TNFSF13B: variants seen among roughly 807,000 people sequenced by gnomAD.
The protein encoded by TNFSF13B is TNF superfamily member 13b.
Under a neutral mutation model 29.1 loss-of-function variants are expected in TNFSF13B, and 8 were observed. The observed-to-expected ratio is 0.27, with a 90% CI of 0.16 to 0.50. The LOEUF (loss-of-function observed/expected upper bound fraction) is 0.50. Ranked by LOEUF, TNFSF13B falls within the 20% of genes least tolerant of loss-of-function variation. TNFSF13B has a pLI of 0.98. For missense variants in TNFSF13B, 248 were observed against 334.9 expected, an observed-to-expected ratio of 0.74 and a Z score of 2.03; for synonymous variants, 125 against 130.8, an observed-to-expected ratio of 0.96 and a Z score of 0.30.
chr13:108,303,655 C>T (rs373097279), intron 5 of TNFSF13B, 51 bp downstream of exon 5: 50 of 1,549,334 alleles, frequency 3.2e-5, no homozygotes, highest in South Asian at 1.8e-4. Flanking sequence ...GAGACTTTGA[C>T]GAAAAATCTG....
Position 108,295,210 on chromosome 13 carries a change from C to T in TNFSF13B, c.482-8043C>T, listed in dbSNP as rs576863121. 1.4e-4 allele frequency among the ~76,000 whole-genome samples: 21 copies of T among 144,872 alleles called. 2 individuals carry two copies. The South Asian group carries it at 3.5e-3, about 24-fold the overall frequency. ...TGTTCTTTTTTTGAGATGGAGTCTC[C>T]GTCACCCAGCCTGGAGTGCAATGGT... On this transcript the variant is annotated intron_variant, in intron 3 of 5. Transcript: ENST00000375887.
chr13:108,298,841 C>A (rs1321259517), intron 3 of TNFSF13B, among the ~76,000 whole-genome samples: 2 of 145,382 alleles, frequency 1.4e-5, no homozygotes, highest in African/African-American at 5.2e-5. Flanking sequence ...CGTAGTGGCA[C>A]TTGCCTGTAG....
In TNFSF13B at chr13:108,277,025, C is replaced by T. The variant is rs186555150; in HGVS notation, c.424+6601C>T. Among the ~76,000 whole-genome samples the T allele has an allele frequency of 1.7e-3, 257 of 152,180 alleles. 1 individual carries two copies. The highest frequency in any genetic ancestry group is 5.9e-3 in the African/African-American group (247 of 41,522). On this transcript the variant is annotated intron_variant, in intron 2 of 5. Transcript: ENST00000375887. ...AAGGTTTCTCTTCAAATAGATTTAT[C>T]ACCCACTGTTTCTGCAAATATCTGA...
chr13:108,270,650 A>G (rs760708215), intron 2 of TNFSF13B, among the ~76,000 whole-genome samples: 3 of 152,132 alleles, frequency 2.0e-5, no homozygotes, highest in Non-Finnish European at 4.4e-5. Context: ...GACTGGAAGC[A>G]TTTCTCTGTG....
In TNFSF13B at chr13:108,307,015, C is replaced by CAAAAAAAAAA; in HGVS notation, c.*77_*78insAAAAAAAAAA. 4.6e-5 allele frequency: 1 copy of CAAAAAAAAAA among 21,660 alleles called. No homozygotes were observed. Among genetic ancestry groups the CAAAAAAAAAA allele is most frequent in the Non-Finnish European group, 8.5e-5 (1 of 11,782 alleles). The allele number at this position is 21,660 out of a possible 1,614,324, so 1.3% of individuals were successfully genotyped here. On this transcript the variant is annotated 3_prime_UTR_variant, in exon 6 of 6. Transcript: ENST00000375887. The stretch of plus-strand genomic sequence containing the variant: ...AGAAGAAAGAATCTAACTGAAAATA[C>CAAAAAAAAAA]CAAAAAAAAAAAAAAAAAAAAAAAA...
intron 5 of TNFSF13B, among the ~76,000 whole-genome samples, chr13:108,306,318 T>C (rs1881774608): frequency 6.6e-6 from 1 of 152,102 alleles, no homozygotes; most frequent in Admixed American, 6.6e-5. Context: ...ACTATATTAA[T>C]GAATGTGGTA....
At chr13:108,291,015 A>G (rs943899404) in intron 3 of TNFSF13B, among the ~76,000 whole-genome samples, 6 of 151,866 alleles carry the variant, frequency 4.0e-5, no homozygotes, top group African/African-American at 1.5e-4. Flanking sequence ...GACTGCTTGA[A>G]GACATTAACT....
At chr13:108,277,975 T>C (rs1594517818) in intron 2 of TNFSF13B, among the ~76,000 whole-genome samples, 1 of 152,178 alleles carries the variant, frequency 6.6e-6, no homozygotes, top group South Asian at 2.1e-4. Context: ...TCAGTTATTT[T>C]ACCCAGCTCC....
intron 2 of TNFSF13B, among the ~76,000 whole-genome samples, chr13:108,273,590 T>C (rs1226573347): frequency 1.3e-5 from 2 of 152,208 alleles, no homozygotes; most frequent in Admixed American, 6.5e-5. Context: ...CTCCTGTTGC[T>C]ACTGCAGTGA....
intron 2 of TNFSF13B, among the ~76,000 whole-genome samples, chr13:108,282,298 G>A (rs1316508570): frequency 6.6e-6 from 1 of 152,170 alleles, no homozygotes; most frequent in Non-Finnish European, 1.5e-5. Context: ...TGCAGTAATT[G>A]CGTTATTTAT....
At chr13:108,271,833 C>T (rs551317584) in intron 2 of TNFSF13B, among the ~76,000 whole-genome samples, 3 of 152,048 alleles carry the variant, frequency 2.0e-5, no homozygotes, top group African/African-American at 7.2e-5. Flanking sequence ...ATTTATCTAA[C>T]AATTGTTTTA....
intron 3 of TNFSF13B, among the ~76,000 whole-genome samples, chr13:108,287,069 A>T (rs879788686): frequency 1.3e-4 from 18 of 138,654 alleles, no homozygotes; most frequent in Non-Finnish European, 2.3e-4. Flanking sequence ...GAACTGAACA[A>T]TGAGAACACA....
At chr13:108,289,644 A>G (rs1321377737) in intron 3 of TNFSF13B, among the ~76,000 whole-genome samples, 1 of 148,256 alleles carries the variant, frequency 6.7e-6, no homozygotes, top group East Asian at 1.9e-4. Flanking sequence ...TTATATATAT[A>G]AATATTATTA....
chr13:108,299,962 G>A (rs1258498895), intron 3 of TNFSF13B, among the ~76,000 whole-genome samples: 2 of 152,210 alleles, frequency 1.3e-5, no homozygotes, highest in Admixed American at 6.5e-5. Context: ...ATGCACCAGT[G>A]ACATTTACTA....
chr13:108,302,737 A>G, intron 3 of TNFSF13B: 1 of 798,794 alleles, frequency 1.3e-6, no homozygotes, highest in African/African-American at 1.9e-5. Context: ...CGTTCTTAGT[A>G]AAGGTTGTGT....
chr13:108,294,026 A>G (rs1881396177), intron 3 of TNFSF13B, among the ~76,000 whole-genome samples: 2 of 152,192 alleles, frequency 1.3e-5, no homozygotes, highest in Admixed American at 6.5e-5. Flanking sequence ...TCCATAACGG[A>G]TGCTACTGTA....
At chr13:108,294,504 T>G (rs1220000977) in intron 3 of TNFSF13B, among the ~76,000 whole-genome samples, 1 of 152,166 alleles carries the variant, frequency 6.6e-6, no homozygotes, top group African/African-American at 2.4e-5. Flanking sequence ...TATAGAATTA[T>G]GATATCTGCA....
intron 5 of TNFSF13B, among the ~76,000 whole-genome samples, chr13:108,304,103 A>T (rs1274698665): frequency 6.6e-6 from 1 of 152,214 alleles, no homozygotes; most frequent in Non-Finnish European, 1.5e-5. Context: ...CAGGTTACAC[A>T]GCTAATTTTT....
At chr13:108,303,222 C>T in intron 3 of TNFSF13B, 31 bp from the exon 4 acceptor site, 3 of 1,495,660 alleles carry the variant, frequency 2.0e-6, no homozygotes, top group Admixed American at 1.9e-5. Flanking sequence ...TTCTTGGTTT[C>T]TTTCCTTATA....
Sources: allele counts gnomAD v4.1 joint callset (sites outside exome capture counted in the v4.1 genomes callset), GRCh38; gene constraint gnomAD v4.1.1; transcripts MANE v1.5; gene names NCBI Gene and HGNC (gene_info 2026-07-23, HGNC 2026-07-21).